Variants in RARB observed in about 807,000 individuals in gnomAD.
RARB encodes HBV-activated protein.
Under a neutral mutation model 51.9 loss-of-function variants are expected in RARB, and 17 were observed. The observed-to-expected ratio is 0.33, with a 90% CI of 0.22 to 0.49. The LOEUF (loss-of-function observed/expected upper bound fraction) is 0.49. Ranked by LOEUF, RARB falls within the 20% of genes least tolerant of loss-of-function variation. The pLI is 0.99. For missense variants in RARB, 369 were observed against 550.8 expected (o/e 0.67, Z 3.30); for synonymous variants, 215 against 195.4 (o/e 1.10, Z -0.84).
intron 5 of RARB, among the ~76,000 whole-genome samples, chr3:25,198,062 G>A (rs1701291161): frequency 6.6e-6 from 1 of 151,914 alleles, no homozygotes; most frequent in South Asian, 2.1e-4. Flanking sequence ...CATGGTACTG[G>A]CACAAGAACA....
Position 25,596,588 on chromosome 3 carries a change from G to A in RARB, c.1319G>A (p.Gly440Glu). Residue 440 changes from glycine to glutamate, a missense_variant, in exon 8 of 8, where the codon GGG (glycine) becomes GAG (glutamate). Around this residue, in one of 9 missense-constraint regions of RARB, gnomAD observed 54 missense variants for 43.4 expected, o/e 1.24. Coordinates refer to ENST00000330688, the MANE Select transcript of RARB (RefSeq NM_000965.5). ...SISPSSVENS[G>E]VSQSPLVQ ...TCACCCAGCTCAGTGGAAAACAGTG[G>A]GGTCAGTCAGTCACCACTCGTGCAA... is the stretch of plus-strand genomic sequence containing the variant. 1 of 1,609,840 alleles carries A rather than the reference G, an allele frequency of 6.2e-7. No individual in the cohort carries two copies. Among genetic ancestry groups the A allele is most frequent in the Non-Finnish European group, 8.5e-7 (1 of 1,177,000 alleles).
chr3:25,377,052 T>G (rs73157810), intron 5 of RARB, among the ~76,000 whole-genome samples: 6,216 of 152,274 alleles, frequency 0.041, 142 homozygotes, highest in Middle Eastern at 0.065. Flanking sequence ...TAGTGTTTCT[T>G]GAGAAATACT....
At chr3:25,355,648 A>G (rs1705710573) in intron 5 of RARB, among the ~76,000 whole-genome samples, 1 of 152,170 alleles carries the variant, frequency 6.6e-6, no homozygotes, top group African/African-American at 2.4e-5. Flanking sequence ...GCTGCTTGTA[A>G]GTCATCAGGA....
chr3:25,327,918 G>A (rs946285813), intron 5 of RARB, among the ~76,000 whole-genome samples: 4 of 152,230 alleles, frequency 2.6e-5, no homozygotes, highest in South Asian at 4.2e-4. Context: ...AGCAACTATC[G>A]ACTTGCAGAA....
At chr3:24,993,383 T>C (rs1696954415) in intron 2 of RARB, among the ~76,000 whole-genome samples, 1 of 152,112 alleles carries the variant, frequency 6.6e-6, no homozygotes, top group South Asian at 2.1e-4. Flanking sequence ...TTATTGATAA[T>C]TGGCTATGGT....
chr3:25,552,370 A>G (rs1699883841), intron 3 of RARB, among the ~76,000 whole-genome samples: 1 of 151,980 alleles, frequency 6.6e-6, no homozygotes, highest in African/African-American at 2.4e-5. Flanking sequence ...CAGTTAAACC[A>G]TATGTTCTCA....
exon 5 of RARB, chr3:25,174,212 G>T: frequency 5.6e-6 from 2 of 357,260 alleles, no homozygotes; most frequent in Admixed American, 3.8e-5. Flanking sequence ...AATCAGTGTA[G>T]CAAAATGACA....
intron 4 of RARB, among the ~76,000 whole-genome samples, chr3:25,571,399 G>T (rs758630328): frequency 6.6e-6 from 1 of 152,180 alleles, no homozygotes; most frequent in African/African-American, 2.4e-5. Flanking sequence ...CAAATGAGCC[G>T]GGCTTTGAGA....
At chr3:25,250,967 AG>A (rs1399687055) in intron 5 of RARB, among the ~76,000 whole-genome samples, 1 of 152,142 alleles carries the variant, frequency 6.6e-6, no homozygotes, top group African/African-American at 2.4e-5. Flanking sequence ...AGTTGATCCC[AG>A]CAGAGCATGT....
intron 3 of RARB, among the ~76,000 whole-genome samples, chr3:25,512,159 C>G (rs772847827): frequency 6.6e-6 from 1 of 152,148 alleles, no homozygotes; most frequent in Non-Finnish European, 1.5e-5. Flanking sequence ...CTTAGCTAAG[C>G]GTTAGCTCCT....
At chr3:24,958,473 C>T (rs530355900) in intron 2 of RARB, among the ~76,000 whole-genome samples, 7 of 152,048 alleles carry the variant, frequency 4.6e-5, no homozygotes, top group Admixed American at 4.6e-4. Flanking sequence ...AAAACAGAGC[C>T]ATTAAAATTC....
chr3:25,133,969 A>G (rs980698095), intron 4 of RARB, among the ~76,000 whole-genome samples: 3 of 151,496 alleles, frequency 2.0e-5, no homozygotes, highest in Admixed American at 6.6e-5. Flanking sequence ...TCATTAAAAA[A>G]AAAAAAAAAA....
intron 1 of RARB, among the ~76,000 whole-genome samples, chr3:25,449,869 A>G (rs1401871573): frequency 6.6e-6 from 1 of 151,378 alleles, no homozygotes; most frequent in Admixed American, 6.6e-5. Context: ...CTCCTGCCCC[A>G]GCCTCCCGAG....
At chr3:25,317,069 G>T (rs199754367) in intron 5 of RARB, among the ~76,000 whole-genome samples, 1 of 48,874 alleles carries the variant, frequency 2.0e-5, no homozygotes, top group Non-Finnish European at 4.9e-5. Flanking sequence ...TTAAGTATTT[G>T]ATTATTATAA....
chr3:25,208,230 T>G (rs1701604468), intron 5 of RARB, among the ~76,000 whole-genome samples: 2 of 152,184 alleles, frequency 1.3e-5, no homozygotes, highest in Non-Finnish European at 2.9e-5. Context: ...ACATCCAAAC[T>G]ATATTAGCAT....
intron 1 of RARB, among the ~76,000 whole-genome samples, chr3:24,839,724 G>T (rs1187948058): frequency 2.4e-4 from 29 of 120,888 alleles, no homozygotes; most frequent in South Asian, 3.4e-4. Context: ...AAAAAAGGGG[G>T]GGGGGGTGGG....
intron 4 of RARB, among the ~76,000 whole-genome samples, chr3:25,139,198 C>A (rs1700074970): frequency 6.6e-6 from 1 of 151,988 alleles, no homozygotes; most frequent in African/African-American, 2.4e-5. Flanking sequence ...ACAATAGCCT[C>A]TAAATGAAAG....
rs558035558 is a variant in RARB, at chr3:25,172,349, T to C, written c.-279-1770T>C. 1.8e-4 allele frequency among the ~76,000 whole-genome samples: 27 copies of C among 152,288 alleles called. No homozygotes were observed. The South Asian group carries it at 5.0e-3, about 28-fold the overall frequency. ...TTCAAATTCTGGCTTAGCGAGGGCT[T>C]ACTCTGTGACATTGAGGGGAATTCA... is the stretch of plus-strand genomic sequence containing the variant. On this transcript the variant is annotated intron_variant, in intron 4 of 11. Transcript: ENST00000383772.
intron 5 of RARB, among the ~76,000 whole-genome samples, chr3:25,266,509 G>A (rs1349991484): frequency 1.3e-5 from 2 of 151,816 alleles, no homozygotes; most frequent in Non-Finnish European, 2.9e-5. Context: ...AAAATTTATG[G>A]TCTCTGTACA....
Sources: gnomAD v4.1 joint callset for allele counts (sites outside exome capture counted in the v4.1 genomes callset) on GRCh38, gnomAD v4.1.1 for gene constraint, gnomAD v4.1.1 regional missense constraint, MANE v1.5 for transcripts, NCBI Gene and HGNC (gene_info 2026-07-23, HGNC 2026-07-21) for gene names.